Variants in FER observed in about 807,000 individuals in gnomAD.
FER encodes the protein tyrosine-protein kinase Fer.
A neutral mutation model predicts 111.0 loss-of-function variants in FER; 63 were observed. The observed-to-expected ratio is 0.57, with a 90% CI of 0.46 to 0.70. The LOEUF (loss-of-function observed/expected upper bound fraction) is 0.70. Among genes scored for constraint, FER ranks in the 30% least tolerant of loss-of-function variants. FER has a pLI of 0.00. For missense variants in FER, 914 were observed against 954.0 expected (o/e 0.96, Z 0.55); for synonymous variants, 327 against 313.9 (o/e 1.04, Z -0.44).
intron 3 of FER, among the ~76,000 whole-genome samples, chr5:108,802,990 A>G (rs1756838629): frequency 6.6e-6 from 1 of 151,916 alleles, no homozygotes; most frequent in South Asian, 2.1e-4. Flanking sequence ...TCTCTCCACA[A>G]CCTCACGAGC....
intron 13 of FER, among the ~76,000 whole-genome samples, chr5:109,016,031 C>T (rs77363713): frequency 0.01 from 1,594 of 152,080 alleles, 24 homozygotes; most frequent in African/African-American, 0.036. Flanking sequence ...TTAAGGGTTA[C>T]TATTAGTGAG....
chr5:109,092,013 G>A (rs898507428), intron 16 of FER, among the ~76,000 whole-genome samples: 5 of 151,942 alleles, frequency 3.3e-5, no homozygotes, highest in African/African-American at 1.2e-4. Context: ...ATAATGTGAG[G>A]ACACAGTGTA....
intron 16 of FER, among the ~76,000 whole-genome samples, chr5:109,075,155 GCTGT>G (rs1168606029): frequency 2.6e-5 from 4 of 151,980 alleles, no homozygotes; most frequent in Admixed American, 2.0e-4. Context: ...TGTTTACGCT[GCTGT>G]CTCTTTTCTT....
chr5:109,122,033 CTTTTG>C (rs201948642), intron 17 of FER, among the ~76,000 whole-genome samples: 1,809 of 151,848 alleles, frequency 0.012, 15 homozygotes, highest in Non-Finnish European at 0.02. Flanking sequence ...AAAAAAACAA[CTTTTG>C]TTTTGTTAGC....
intron 13 of FER, among the ~76,000 whole-genome samples, chr5:109,033,260 G>C (rs867421427): frequency 6.6e-6 from 1 of 152,040 alleles, no homozygotes; most frequent in East Asian, 1.9e-4. Context: ...CAAAAAGTCT[G>C]CTTGTCCCTT....
In FER at chr5:108,811,231, T is replaced by A. The variant is rs569106026; in HGVS notation, c.207+12842T>A. On this transcript the variant is annotated intron_variant, in intron 3 of 19. Transcript: ENST00000281092. ...TGAATGGGAAGGGTGGGGCAGGTCA[T>A]GCTGCTGATCCAAGTGAGTGGATGC... Among the ~76,000 whole-genome samples, 48 of 151,946 alleles carry A rather than the reference T, an allele frequency of 3.2e-4. 2 individuals carry two copies. The Middle Eastern group carries it at 0.01, about 32-fold the overall frequency.
intron 18 of FER, among the ~76,000 whole-genome samples, chr5:109,183,394 G>T (rs551742807): frequency 1.3e-5 from 2 of 151,942 alleles, no homozygotes; most frequent in East Asian, 3.9e-4. Context: ...GACTACAGGT[G>T]CCCGCCACCA....
intron 17 of FER, among the ~76,000 whole-genome samples, chr5:109,154,467 G>A (rs11952637): frequency 0.39 from 59,134 of 151,586 alleles, 11,745 homozygotes; most frequent in Non-Finnish European, 0.41. Context: ...TTTTTATAGA[G>A]AGTAAAAAAG....
chr5:109,147,919 CCAAT>C (rs1296079871), intron 17 of FER, among the ~76,000 whole-genome samples: 1 of 151,570 alleles, frequency 6.6e-6, no homozygotes, highest in East Asian at 1.9e-4. Context: ...TTTCCATTGA[CCAAT>C]CACTTTCGTA....
intron 13 of FER, among the ~76,000 whole-genome samples, chr5:109,024,640 A>C (rs1308926763): frequency 2.6e-5 from 4 of 152,128 alleles, no homozygotes; most frequent in Non-Finnish European, 4.4e-5. Context: ...TTGCTCTTTG[A>C]AGATAAAGGT....
At chr5:109,097,635 C>G (rs1316702495) in intron 16 of FER, among the ~76,000 whole-genome samples, 1 of 151,886 alleles carries the variant, frequency 6.6e-6, no homozygotes, top group African/African-American at 2.4e-5. Context: ...ACAGTGAACA[C>G]TAAAGACTAT....
At chr5:108,992,269 C>G (rs376689545) in intron 13 of FER, among the ~76,000 whole-genome samples, 1 of 152,248 alleles carries the variant, frequency 6.6e-6, no homozygotes, top group Non-Finnish European at 1.5e-5. Context: ...TCTCCCATGT[C>G]TACTTCTTCC....
intron 17 of FER, among the ~76,000 whole-genome samples, chr5:109,137,698 T>A (rs1753049028): frequency 6.6e-6 from 1 of 152,144 alleles, no homozygotes; most frequent in Admixed American, 6.5e-5. Context: ...GGGTTGGTGT[T>A]AGTAAGAGAC....
chr5:109,179,605 A>G (rs1164749780), intron 17 of FER, among the ~76,000 whole-genome samples: 1 of 152,170 alleles, frequency 6.6e-6, no homozygotes, highest in Non-Finnish European at 1.5e-5. Flanking sequence ...TGTGGATTCA[A>G]CCATCCAGAG....
At chr5:109,076,152 C>CA (rs567682635) in intron 16 of FER, among the ~76,000 whole-genome samples, 31 of 151,708 alleles carry the variant, frequency 2.0e-4, no homozygotes, top group African/African-American at 5.6e-4. Context: ...GAATTTATAT[C>CA]AAAAAAATTA....
intron 17 of FER, among the ~76,000 whole-genome samples, chr5:109,144,445 C>T (rs977383780): frequency 5.3e-5 from 8 of 152,086 alleles, no homozygotes; most frequent in East Asian, 1.9e-4. Context: ...CTCTCAGAGC[C>T]CTGCACTCCG....
intron 13 of FER, among the ~76,000 whole-genome samples, chr5:108,972,633 G>T (rs190788586): frequency 2.0e-3 from 311 of 152,106 alleles, no homozygotes; most frequent in African/African-American, 7.0e-3. Flanking sequence ...TCACTTTTTT[G>T]TATCTCTCAG....
chr5:108,988,546 C>G (rs980310783), intron 13 of FER, among the ~76,000 whole-genome samples: 4 of 151,964 alleles, frequency 2.6e-5, no homozygotes, highest in African/African-American at 7.2e-5. Context: ...TGTCCGTTTT[C>G]TCTAGGTTTT....
At chr5:108,886,470 C>CAT (rs139565916) in intron 9 of FER, among the ~76,000 whole-genome samples, 43 of 148,852 alleles carry the variant, frequency 2.9e-4, no homozygotes, top group East Asian at 2.3e-3. Context: ...CATAAATGTA[C>CAT]ATATATATAT....
Sources: gnomAD v4.1 joint callset for allele counts (sites outside exome capture counted in the v4.1 genomes callset) on GRCh38, gnomAD v4.1.1 for gene constraint, MANE v1.5 for transcripts, NCBI Gene and HGNC (gene_info 2026-07-23, HGNC 2026-07-21) for gene names.